Variants in ELMO1 observed in about 807,000 individuals in gnomAD.
The protein encoded by ELMO1 is engulfment and cell motility 1.
In ELMO1, 26 loss-of-function variants were observed where a neutral mutation model predicts 98.9. That is an observed-to-expected ratio of 0.26 (90% CI 0.19 to 0.36). ELMO1 has a LOEUF of 0.36. Among genes scored for constraint, ELMO1 ranks in the 10% least tolerant of loss-of-function variants. The probability of loss-of-function intolerance (pLI) is 1.00; values close to 1 mark genes in which losing one functional copy is unlikely to be tolerated. For missense variants in ELMO1, 627 were observed against 935.2 expected (o/e 0.67, Z 4.30); for synonymous variants, 346 against 346.0 (o/e 1.00, Z 0.00).
chr7:37,054,792 G>T (rs932061994), intron 15 of ELMO1, among the ~76,000 whole-genome samples: 1 of 152,164 alleles, frequency 6.6e-6, no homozygotes, highest in African/African-American at 2.4e-5. Flanking sequence ...TAATTCAGAG[G>T]AAGGCACTAC....
intron 14 of ELMO1, among the ~76,000 whole-genome samples, chr7:37,122,416 C>G (rs1432605120): frequency 1.3e-5 from 2 of 151,998 alleles, no homozygotes; most frequent in Non-Finnish European, 2.9e-5. Context: ...GACACACACA[C>G]ACTCAAAATA....
intron 13 of ELMO1, among the ~76,000 whole-genome samples, chr7:37,210,040 TTTTTTAGG>T (rs1563078891): frequency 3.3e-5 from 5 of 152,116 alleles, no homozygotes; most frequent in Admixed American, 2.0e-4. Flanking sequence ...AGAGTGTTAG[TTTTTTAGG>T]TTTTTAGGTT....
At chr7:37,437,548 A>G (rs1488981168) in intron 1 of ELMO1, among the ~76,000 whole-genome samples, 1 of 152,230 alleles carries the variant, frequency 6.6e-6, no homozygotes, top group East Asian at 1.9e-4. Flanking sequence ...ATGAGGTACA[A>G]TTGGACGTAT....
At chr7:37,065,214 A>G (rs1158400736) in intron 15 of ELMO1, among the ~76,000 whole-genome samples, 2 of 148,210 alleles carry the variant, frequency 1.3e-5, no homozygotes, top group African/African-American at 5.0e-5. Context: ...GACTCCTTCT[A>G]TGTTGCCCAG....
chr7:37,022,579 T>C (rs1417570721), intron 15 of ELMO1, among the ~76,000 whole-genome samples: 1 of 152,190 alleles, frequency 6.6e-6, no homozygotes, highest in Non-Finnish European at 1.5e-5. Flanking sequence ...ATGGAAAACA[T>C]GAAGTGTTGA....
At chr7:37,210,078 T>G (rs1262445118) in intron 13 of ELMO1, among the ~76,000 whole-genome samples, 2 of 151,848 alleles carry the variant, frequency 1.3e-5, no homozygotes, top group East Asian at 3.8e-4. Context: ...TAAGAAACAC[T>G]ACTGGAGAGA....
intron 7 of ELMO1, among the ~76,000 whole-genome samples, chr7:37,241,872 A>G (rs570983655): frequency 6.6e-6 from 1 of 152,312 alleles, no homozygotes; most frequent in South Asian, 2.1e-4. Context: ...TTATATAGTT[A>G]CAGCCTTTTA....
intron 16 of ELMO1, among the ~76,000 whole-genome samples, chr7:36,965,698 C>T (rs779351387): frequency 3.9e-5 from 6 of 152,140 alleles, no homozygotes; most frequent in Non-Finnish European, 8.8e-5. Context: ...AAAACCTAAT[C>T]CCAATCATTA....
chr7:37,372,922 G>A (rs1331618426), intron 1 of ELMO1, among the ~76,000 whole-genome samples: 1 of 152,206 alleles, frequency 6.6e-6, no homozygotes, highest in Admixed American at 6.5e-5. Context: ...AGTCAGACAG[G>A]CTCTTAATGA....
rs1295127702 is a variant in ELMO1, at chr7:36,983,768, A to G, written c.1437+29531T>C. On this transcript the variant is annotated intron_variant, in intron 16 of 21. Transcript: ENST00000310758. ...CCATCTGAAAAGAAGGAGACAATGA[A>G]CTTCAGGGTATGATACGTTCTTGGC... 2.0e-5 allele frequency among the ~76,000 whole-genome samples: 3 copies of G among 152,162 alleles called. No individual in the cohort carries two copies. The East Asian group carries it at 5.8e-4, about 29-fold the overall frequency.
At chr7:36,929,661 GA>G (rs1785869214) in intron 16 of ELMO1, among the ~76,000 whole-genome samples, 1 of 152,142 alleles carries the variant, frequency 6.6e-6, no homozygotes, top group South Asian at 2.1e-4. Flanking sequence ...TCAAGCAGCT[GA>G]TGACTTTTAT....
At chr7:36,973,663 GC>G (rs993282598) in intron 16 of ELMO1, among the ~76,000 whole-genome samples, 2 of 152,238 alleles carry the variant, frequency 1.3e-5, no homozygotes, top group African/African-American at 2.4e-5. Flanking sequence ...AAGCCCTTCA[GC>G]CCACCGCTGC....
intron 13 of ELMO1, among the ~76,000 whole-genome samples, chr7:37,165,084 T>C (rs144520144): frequency 0.71 from 107,650 of 152,008 alleles, 40,723 homozygotes; most frequent in Non-Finnish European, 0.83. Flanking sequence ...AGGTATTTTA[T>C]TCTCTTTGAA....
intron 5 of ELMO1, among the ~76,000 whole-genome samples, chr7:37,261,822 G>A (rs971157001): frequency 6.6e-6 from 1 of 152,144 alleles, no homozygotes; most frequent in Non-Finnish European, 1.5e-5. Context: ...GGCTGGTCTT[G>A]AATTCCTGAC....
intron 15 of ELMO1, among the ~76,000 whole-genome samples, chr7:37,017,022 G>T (rs1203260423): frequency 1.3e-5 from 2 of 152,164 alleles, no homozygotes; most frequent in South Asian, 4.1e-4. Context: ...CTTACAAGAG[G>T]CACAGCTTCA....
chr7:37,070,175 G>A (rs777605998), intron 15 of ELMO1, among the ~76,000 whole-genome samples: 36 of 152,176 alleles, frequency 2.4e-4, no homozygotes, highest in Non-Finnish European at 4.1e-4. Flanking sequence ...AGGCAAAAGA[G>A]GGAAAACTGC....
chr7:37,148,599 G>A (rs1788152372), intron 13 of ELMO1, among the ~76,000 whole-genome samples: 2 of 152,050 alleles, frequency 1.3e-5, no homozygotes, highest in African/African-American at 2.4e-5. Context: ...AAAATGCTTT[G>A]GGAATAAATT....
rs1467268784 is a variant in ELMO1, at chr7:36,853,533, A to G, written c.*2018T>C. On this transcript the variant is annotated 3_prime_UTR_variant, in exon 22 of 22. Transcript: ENST00000310758. The stretch of plus-strand genomic sequence containing the variant: ...CTGCTCCTGATAGCAAGTACATGTT[A>G]ATAACATCGAAGCTTAATGATCAAG... 6.6e-6 allele frequency among the ~76,000 whole-genome samples: 1 copy of G among 152,234 alleles called. No homozygotes were observed. Among genetic ancestry groups the G allele is most frequent in the Non-Finnish European group, 1.5e-5 (1 of 68,046 alleles).
chr7:37,249,239 A>T (rs563401320), intron 6 of ELMO1, among the ~76,000 whole-genome samples: 1 of 152,324 alleles, frequency 6.6e-6, no homozygotes, highest in Admixed American at 6.5e-5. Flanking sequence ...GATGGAGGGA[A>T]CCTGTTTCAA....
Sources: gnomAD v4.1 joint callset for allele counts (sites outside exome capture counted in the v4.1 genomes callset) on GRCh38, gnomAD v4.1.1 for gene constraint, MANE v1.5 for transcripts, NCBI Gene and HGNC (gene_info 2026-07-23, HGNC 2026-07-21) for gene names.